SLC35F4: variants seen among roughly 807,000 people sequenced by gnomAD.
SLC35F4 encodes the protein solute carrier family 35 member F4, also known as chromosome 14 open reading frame 36.
A neutral mutation model predicts 44.2 loss-of-function variants in SLC35F4; 24 were observed. That is an observed-to-expected ratio of 0.54 (90% CI 0.39 to 0.76). SLC35F4 has a LOEUF of 0.76. Among genes scored for constraint, SLC35F4 ranks in the 30% least tolerant of loss-of-function variants. The pLI is 0.00. For synonymous variants in SLC35F4, 238 were observed against 223.6 expected (o/e 1.06, Z -0.57); for missense variants, 562 against 586.1 (o/e 0.96, Z 0.42).
rs535765544 is a variant in SLC35F4, at chr14:57,749,951, G to C, written c.103+115772C>G. 2.0e-5 allele frequency among the ~76,000 whole-genome samples: 3 copies of C among 151,994 alleles called. No individual in the cohort carries two copies. The East Asian group carries it at 5.9e-4, about 30-fold the overall frequency. ...GGATATAAGTGCAATTTTGTTACTT[G>C]TGTAGTGATCAAGTCAGGGATTTTA... On this transcript the variant is annotated intron_variant, in intron 1 of 7. Coordinates refer to ENST00000556826, the MANE Select transcript of SLC35F4 (RefSeq NM_001306087.2).
chr14:57,661,338 G>A (rs73305904), intron 1 of SLC35F4, among the ~76,000 whole-genome samples: 3,950 of 152,210 alleles, frequency 0.026, 164 homozygotes, highest in African/African-American at 0.089. Context: ...ATTACTGTTT[G>A]TGAGGCACTG....
At chr14:57,679,999 G>C (rs2074839285) in intron 1 of SLC35F4, among the ~76,000 whole-genome samples, 1 of 152,166 alleles carries the variant, frequency 6.6e-6, no homozygotes, top group African/African-American at 2.4e-5. Flanking sequence ...AAGAAAAGGA[G>C]GGAATCCTCC....
chr14:57,859,117 G>A (rs1270728237), intron 1 of SLC35F4, among the ~76,000 whole-genome samples: 1 of 151,694 alleles, frequency 6.6e-6, no homozygotes, highest in Non-Finnish European at 1.5e-5. Context: ...TAAAAAGAAA[G>A]GGGGCTTAGG....
At chr14:57,942,083 G>A (rs1594640757) in intron 1 of SLC35F4, among the ~76,000 whole-genome samples, 1 of 152,282 alleles carries the variant, frequency 6.6e-6, no homozygotes, top group South Asian at 2.1e-4. Flanking sequence ...TGCACATTTT[G>A]CAATCCTGGT....
upstream of SLC35F4, among the ~76,000 whole-genome samples, chr14:57,866,280 G>A (rs895834737): frequency 6.6e-6 from 1 of 152,192 alleles, no homozygotes; most frequent in Non-Finnish European, 1.5e-5. Context: ...CAGGGGCTCA[G>A]AGAAGGGTGT....
chr14:57,587,362 T>G (rs2069825416), intron 3 of SLC35F4, among the ~76,000 whole-genome samples: 1 of 152,176 alleles, frequency 6.6e-6, no homozygotes, highest in Non-Finnish European at 1.5e-5. Context: ...AGCAAAGACT[T>G]GGAACGAACC....
chr14:57,736,660 T>C (rs1383219071), intron 1 of SLC35F4, among the ~76,000 whole-genome samples: 3 of 152,234 alleles, frequency 2.0e-5, no homozygotes, highest in Non-Finnish European at 2.9e-5. Context: ...TGAACTCTAC[T>C]ATTACCACAA....
intron 7 of SLC35F4, among the ~76,000 whole-genome samples, chr14:57,565,421 C>T (rs1200921532): frequency 6.6e-6 from 1 of 152,194 alleles, no homozygotes; most frequent in East Asian, 1.9e-4. Context: ...CAGCACATAC[C>T]TCTATTAAAG....
intron 1 of SLC35F4, among the ~76,000 whole-genome samples, chr14:57,979,553 A>G (rs1881317193): frequency 6.6e-6 from 1 of 152,176 alleles, no homozygotes; most frequent in Admixed American, 6.5e-5. Context: ...AAGCTACTAG[A>G]CCATGCAAAG....
intron 1 of SLC35F4, among the ~76,000 whole-genome samples, chr14:57,963,026 A>G (rs1047061749): frequency 2.0e-5 from 3 of 152,152 alleles, no homozygotes; most frequent in African/African-American, 7.2e-5. Flanking sequence ...AGAAGCTACC[A>G]GGGTAACCCA....
intron 1 of SLC35F4, among the ~76,000 whole-genome samples, chr14:57,641,485 C>G (rs1690788063): frequency 6.6e-6 from 1 of 151,892 alleles, no homozygotes; most frequent in Non-Finnish European, 1.5e-5. Flanking sequence ...GAGAGGAAAT[C>G]TAGGTACACT....
At chr14:57,743,026 A>G (rs1443728838) in intron 1 of SLC35F4, among the ~76,000 whole-genome samples, 2 of 152,202 alleles carry the variant, frequency 1.3e-5, no homozygotes, top group Non-Finnish European at 2.9e-5. Context: ...GAAACCAATG[A>G]GAACAAAGAC....
chr14:57,936,415 CA>C (rs199699990), intron 1 of SLC35F4, among the ~76,000 whole-genome samples: 5,340 of 152,282 alleles, frequency 0.035, 331 homozygotes, highest in African/African-American at 0.12. Context: ...TAACTCCCCT[CA>C]AAACATTCTG....
intron 1 of SLC35F4, among the ~76,000 whole-genome samples, chr14:57,607,552 T>C (rs1228612049): frequency 6.6e-6 from 1 of 152,212 alleles, no homozygotes; most frequent in East Asian, 1.9e-4. Context: ...TAGAAGCCTC[T>C]TCCTCACTTA....
intron 1 of SLC35F4, among the ~76,000 whole-genome samples, chr14:57,743,545 T>C (rs899706952): frequency 3.3e-5 from 5 of 152,212 alleles, no homozygotes; most frequent in African/African-American, 1.2e-4. Flanking sequence ...AATCCCTGAA[T>C]AGACTAATAA....
intron 1 of SLC35F4, among the ~76,000 whole-genome samples, chr14:57,797,991 T>C (rs1281629096): frequency 6.6e-6 from 1 of 151,798 alleles, no homozygotes. Flanking sequence ...AGGGAAAATA[T>C]ACAATAGGTC....
intron 1 of SLC35F4, among the ~76,000 whole-genome samples, chr14:57,791,985 G>C (rs2077931470): frequency 6.6e-6 from 1 of 151,954 alleles, no homozygotes. Context: ...GCAAGGGGAG[G>C]GATAGCATTA....
At chr14:57,957,402 C>T (rs542502339) in intron 1 of SLC35F4, among the ~76,000 whole-genome samples, 1 of 150,126 alleles carries the variant, frequency 6.7e-6, no homozygotes, top group South Asian at 2.1e-4. Flanking sequence ...CAAAACTGCA[C>T]GTTCTGCACA....
At chr14:57,941,063 G>T (rs184121863) in intron 1 of SLC35F4, among the ~76,000 whole-genome samples, 150 of 152,310 alleles carry the variant, frequency 9.8e-4, no homozygotes, top group Non-Finnish European at 1.8e-3. Flanking sequence ...GCAAGAATGT[G>T]GAGAACTTGG....
Sources: gnomAD v4.1 joint callset for allele counts (sites outside exome capture counted in the v4.1 genomes callset) on GRCh38, gnomAD v4.1.1 for gene constraint, MANE v1.5 for transcripts, NCBI Gene and HGNC (gene_info 2026-07-23, HGNC 2026-07-21) for gene names.